ITGB5: variants seen among roughly 807,000 people sequenced by gnomAD.
ITGB5 encodes integrin subunit beta 5, also known as integrin beta-5.
Under a neutral mutation model 84.8 loss-of-function variants are expected in ITGB5, and 38 were observed. The observed-to-expected ratio is 0.45, with a 90% CI of 0.35 to 0.59. The LOEUF is 0.59. Ranked by LOEUF, ITGB5 falls within the 20% of genes least tolerant of loss-of-function variation. The probability of loss-of-function intolerance (pLI) is 0.01; values close to 1 mark genes in which losing one functional copy is unlikely to be tolerated. For missense variants in ITGB5, 905 were observed against 1,034.5 expected (o/e 0.87, Z 1.72); for synonymous variants, 393 against 414.4 (o/e 0.95, Z 0.63).
chr3:124,805,196 G>A (rs529008213), intron 9 of ITGB5, among the ~76,000 whole-genome samples: 61 of 150,946 alleles, frequency 4.0e-4, no homozygotes, highest in Non-Finnish European at 8.7e-4. Context: ...AGGCTGGAGT[G>A]CAGTGTCCCA....
At position 124,766,326 on chromosome 3, in the gene ITGB5, A is replaced by G. The variant is rs747962055; in HGVS notation, c.2037T>C (p.Ala679=). Residue 679 remains alanine (A), a synonymous_variant, in exon 13 of 15, where the codon GCT becomes GCC. Coordinates refer to ENST00000296181, the MANE Select transcript of ITGB5 (RefSeq NM_002213.5). ...TGGCGGTTTTGTAGAAACATAGCAC[A>G]GCCTCCTGGTCATCTTTCACTGGAA... is the stretch of plus-strand genomic sequence containing the variant. ...VDTIVKDDQE[A]VLCFYKTAKD... The G allele has an allele frequency of 1.9e-6, 3 of 1,614,148 alleles. No individual in the cohort carries two copies. The highest frequency in any genetic ancestry group is 2.5e-6 in the Non-Finnish European group (3 of 1,179,996).
chr3:124,783,147 C>T (rs900520448), intron 10 of ITGB5, among the ~76,000 whole-genome samples: 3 of 151,570 alleles, frequency 2.0e-5, no homozygotes, highest in East Asian at 1.9e-4. Context: ...AAAAATTAGC[C>T]GGGCGTGGTG....
intron 1 of ITGB5, among the ~76,000 whole-genome samples, chr3:124,900,270 C>CATAGTAA (rs1935190532): frequency 6.6e-6 from 1 of 152,188 alleles, no homozygotes; most frequent in African/African-American, 2.4e-5. Flanking sequence ...TAGTTACTTG[C>CATAGTAA]CTCTATTTCC....
At position 124,817,656 on chromosome 3, in the gene ITGB5, T is replaced by C; in HGVS notation, c.1093A>G (p.Lys365Glu). ...TTAATAATCAGTTGAATAATATTTTTGGAGTCTCCATCTAAAATCTCCACC... is the reference window on the plus strand; with the variant it reads ...TTAATAATCAGTTGAATAATATTTTCGGAGTCTCCATCTAAAATCTCCACC... ...TTVEILDGDS[K>E]NIIQLIINAY... The change falls in exon 8 of 15, where the codon AAA (lysine) becomes GAA (glutamate). Residue 365 changes from lysine to glutamate, a missense_variant. Lys to Glu is a moderately conservative substitution (Grantham distance 56, BLOSUM62 1). This residue lies in a region of ITGB5 where 656 missense variants were observed against 734.7 expected (regional missense o/e 0.89). Coordinates refer to ENST00000296181, the MANE Select transcript of ITGB5 (RefSeq NM_002213.5). 6.3e-7 allele frequency: 1 copy of C among 1,590,862 alleles called. No individual in the cohort carries two copies. The highest frequency in any genetic ancestry group is 8.6e-7 in the Non-Finnish European group (1 of 1,167,180).
chr3:124,808,501 A>G (rs749582426), intron 9 of ITGB5, among the ~76,000 whole-genome samples: 1 of 152,214 alleles, frequency 6.6e-6, no homozygotes, highest in Non-Finnish European at 1.5e-5. Context: ...ACATCTTCAC[A>G]CATCATTTGA....
At chr3:124,900,885 C>T (rs1327904559) in intron 1 of ITGB5, among the ~76,000 whole-genome samples, 3 of 151,966 alleles carry the variant, frequency 2.0e-5, no homozygotes, top group Non-Finnish European at 2.9e-5. Flanking sequence ...CTTTATGCAC[C>T]ATTAATATGA....
chr3:124,763,929 AAGG>A (rs2063730082), intron 14 of ITGB5, among the ~76,000 whole-genome samples: 1 of 152,114 alleles, frequency 6.6e-6, no homozygotes, highest in African/African-American at 2.4e-5. Flanking sequence ...CCACCTCTGG[AAGG>A]AGGAGTTGGG....
At position 124,796,703 on chromosome 3, in the gene ITGB5, T is replaced by A. The variant is rs1330788299; in HGVS notation, c.1378A>T (p.Asn460Tyr). ...CCCACGCTGCAGCCGCACGTGCAGT[T>A]GTAGGTGACCCCCACCTCCAGGCTG... ...RDSLEVGVTY[N>Y]CTCGCSVGLE... The change falls in exon 10 of 15, where the codon AAC becomes TAC. Residue 460 changes from asparagine (N) to tyrosine (Y), a missense_variant. Physicochemically the swap from Asn to Tyr is moderately radical, Grantham distance 143. Coordinates refer to ENST00000296181, the MANE Select transcript of ITGB5 (RefSeq NM_002213.5). 2.5e-6 allele frequency: 4 copies of A among 1,613,946 alleles called. No homozygotes were observed. In the African/African-American group the frequency reaches 5.3e-5, roughly 22 times the overall value.
chr3:124,888,046 A>G (rs1307642426), upstream of ITGB5, among the ~76,000 whole-genome samples: 1 of 151,302 alleles, frequency 6.6e-6, no homozygotes, highest in Non-Finnish European at 1.5e-5. Flanking sequence ...CTCCTGAGTA[A>G]CTGGGACTAC....
At chr3:124,845,060 T>C (rs1205467043) in intron 4 of ITGB5, among the ~76,000 whole-genome samples, 2 of 152,250 alleles carry the variant, frequency 1.3e-5, no homozygotes, top group Non-Finnish European at 2.9e-5. Flanking sequence ...CATGAAGGCA[T>C]GTCAGCAGGT....
chr3:124,784,952 A>G (rs1425338107), intron 10 of ITGB5, among the ~76,000 whole-genome samples: 1 of 152,226 alleles, frequency 6.6e-6, no homozygotes, highest in Non-Finnish European at 1.5e-5. Context: ...TTCAGAGACT[A>G]GCTGCCTTCT....
At chr3:124,845,295 G>A (rs1243578565) in intron 4 of ITGB5, among the ~76,000 whole-genome samples, 9 of 152,202 alleles carry the variant, frequency 5.9e-5, no homozygotes, top group African/African-American at 2.2e-4. Flanking sequence ...TTAGCTGGGT[G>A]TGGTGGCACG....
intron 1 of ITGB5, among the ~76,000 whole-genome samples, chr3:124,894,936 C>T (rs999631273): frequency 6.6e-6 from 1 of 152,018 alleles, no homozygotes; most frequent in African/African-American, 2.4e-5. Context: ...AAAATCCCCC[C>T]TCCCCCCCAA....
At position 124,843,644 on chromosome 3, in the gene ITGB5, C is replaced by T. The variant is rs561298009; in HGVS notation, c.612-2093G>A. 9.2e-5 allele frequency among the ~76,000 whole-genome samples: 14 copies of T among 152,252 alleles called. No individual in the cohort carries two copies. The East Asian group carries it at 2.3e-3, about 25-fold the overall frequency. ...TAGGAAAAGAGCTTTGTCACACAGA[C>T]GCTAGGAGAGTCTCCACTGACACTG... On this transcript the variant is annotated intron_variant, in intron 4 of 14. Transcript: ENST00000296181.
chr3:124,805,046 G>C (rs1349364948), intron 9 of ITGB5, among the ~76,000 whole-genome samples: 11 of 106,514 alleles, frequency 1.0e-4, no homozygotes, highest in African/African-American at 3.5e-4. Context: ...GCCCTGCCCT[G>C]CCCTCCCTCC....
chr3:124,817,830 T>A (rs1260409947), intron 7 of ITGB5, 120 bp from the exon 8 acceptor site: 6 of 611,580 alleles, frequency 9.8e-6, no homozygotes, highest in African/African-American at 3.9e-5. Context: ...TGCCACCTTC[T>A]CCCACCATGA....
chr3:124,807,243 C>T (rs1279745277), intron 9 of ITGB5, among the ~76,000 whole-genome samples: 1 of 152,152 alleles, frequency 6.6e-6, no homozygotes, highest in Non-Finnish European at 1.5e-5. Context: ...TGGTGAAACT[C>T]CGTCTCTACT....
upstream of ITGB5, chr3:124,887,643 C>G (rs1334472698): frequency 2.2e-6 from 1 of 446,062 alleles, no homozygotes; most frequent in South Asian, 1.6e-5. Flanking sequence ...AGCCCGCTCC[C>G]GTTGCTTAGC....
chr3:124,863,609 C>G (rs1579312165), intron 2 of ITGB5, among the ~76,000 whole-genome samples: 5 of 152,304 alleles, frequency 3.3e-5, no homozygotes, highest in Admixed American at 3.3e-4. Context: ...ACCTCTGCTT[C>G]CTGGGTTCAA....
Sources: allele counts gnomAD v4.1 joint callset (sites outside exome capture counted in the v4.1 genomes callset), GRCh38; gene constraint gnomAD v4.1.1; regional missense constraint gnomAD v4.1.1; transcripts MANE v1.5; gene names NCBI Gene and HGNC (gene_info 2026-07-23, HGNC 2026-07-21).